The following ADAM11 variants were observed in gnomAD, a reference collection of about 807,000 sequenced individuals.
ADAM11 encodes the protein ADAM metallopeptidase domain 11, also known as disintegrin and metalloproteinase domain-containing protein 11.
Under a neutral mutation model 119.1 loss-of-function variants are expected in ADAM11, and 49 were observed. The observed-to-expected ratio is 0.41, with a 90% CI of 0.33 to 0.52. ADAM11 has a LOEUF of 0.52. Among genes scored for constraint, ADAM11 ranks in the 20% least tolerant of loss-of-function variants. The probability of loss-of-function intolerance (pLI) is 0.20; values close to 1 mark genes in which losing one functional copy is unlikely to be tolerated. For missense variants in ADAM11, 777 were observed against 1,047.5 expected (o/e 0.74, Z 3.56); for synonymous variants, 364 against 408.0 (o/e 0.89, Z 1.30).
chr17:44,775,151 G>T lies in ADAM11; in HGVS notation c.1221-61G>T. ...CCCAGTGTACCCCCTCCCCAGCCTT[G>T]AGAGGGGTGAGGGTGGGTTGGAGGG... On this transcript the variant is annotated intron_variant, in intron 14 of 26. Coordinates refer to ENST00000200557, the MANE Select transcript of ADAM11 (RefSeq NM_002390.6). This position sits in a 1 kb window ranked among gnomAD's most constrained non-coding sequence, Gnocchi z 7.5. 2 of 1,403,604 alleles carry T rather than the reference G, an allele frequency of 1.4e-6. No homozygotes were observed. The allele number at this position is 1,403,604 out of a possible 1,614,324, so 86.9% of individuals were successfully genotyped here. A position where few individuals can be genotyped will look rare whatever the true frequency, so the allele number is the denominator to read the frequency against.
In ADAM11 at chr17:44,778,142, T is replaced by A; in HGVS notation, c.2186-10T>A. The stretch of plus-strand genomic sequence containing the variant: ...TGTCCTTGCCAGCTAAGCCCTGCCA[T>A]CCTCCCCAGGTCCCAGCGGCACCAA... On this transcript the variant is annotated splice_polypyrimidine_tract_variant and intron_variant, in intron 24 of 26. Coordinates refer to ENST00000200557, the MANE Select transcript of ADAM11 (RefSeq NM_002390.6). 1 of 1,613,330 alleles carries A rather than the reference T, an allele frequency of 6.2e-7. No individual in the cohort carries two copies. The highest frequency in any genetic ancestry group is 8.5e-7 in the Non-Finnish European group (1 of 1,179,550).
In ADAM11 at chr17:44,777,275, G is replaced by T. The variant is rs951519154; in HGVS notation, c.1781+10G>T. ...TCCAGTGCAGTAAGCAGTGAGTACT[G>T]AGGCTCCCAGAGGGCCTCTCAGCTC... is the stretch of plus-strand genomic sequence containing the variant. On this transcript the variant is annotated intron_variant, in intron 21 of 26. Transcript: ENST00000200557. The surrounding 1 kb of genome is among the most constrained non-coding windows in gnomAD (Gnocchi z 5.1). The T allele has an allele frequency of 6.3e-7, 1 of 1,589,444 alleles. No homozygotes were observed.
chr17:44,764,859 C>G (rs2049428680), intron 2 of ADAM11, among the ~76,000 whole-genome samples: 1 of 152,094 alleles, frequency 6.6e-6, no homozygotes, highest in African/African-American at 2.4e-5. Flanking sequence ...GGACAGGGTG[C>G]TGGGCCCTGG....
chr17:44,777,128 TG>T lies in ADAM11; in HGVS notation c.1682-34del. On this transcript the variant is annotated intron_variant, in intron 20 of 26. Transcript: ENST00000200557. This position sits in a 1 kb window ranked among gnomAD's most constrained non-coding sequence, Gnocchi z 5.1. Reference sequence around the variant, plus strand: ...AGGCCTGAGGTCTTGGGGTGGGTCCTGGGGCGCGTGGGGTCACTTGGCATCC... The same window carrying T: ...AGGCCTGAGGTCTTGGGGTGGGTCCTGGGCGCGTGGGGTCACTTGGCATCC... 1 of 1,574,856 alleles carries T rather than the reference TG, an allele frequency of 6.3e-7. No homozygotes were observed.
In ADAM11 at chr17:44,779,877, C is replaced by T; in HGVS notation, c.*123C>T. ...TCTTCCAGGTCCAAACCCTTCAACT[C>T]CTGGCTCCGCAGGGGTTTGGGTGGG... is the stretch of plus-strand genomic sequence containing the variant. On this transcript the variant is annotated 3_prime_UTR_variant, in exon 27 of 27. Coordinates refer to ENST00000200557, the MANE Select transcript of ADAM11 (RefSeq NM_002390.6). 7.2e-7 allele frequency: 1 copy of T among 1,382,352 alleles called. No individual in the cohort carries two copies. The highest frequency in any genetic ancestry group is 1.0e-6 in the Non-Finnish European group (1 of 990,586). The allele number at this position is 1,382,352 out of a possible 1,614,324, so 85.6% of individuals were successfully genotyped here.
chr17:44,778,975 A>G (rs916873944), intron 25 of ADAM11, among the ~76,000 whole-genome samples: 2 of 152,138 alleles, frequency 1.3e-5, no homozygotes, highest in African/African-American at 2.4e-5. Context: ...CTTAATGTGC[A>G]GAGGAGGAAC....
At position 44,777,525 on chromosome 17, in the gene ADAM11, G is replaced by A. The variant is rs1285121395; in HGVS notation, c.1825G>A (p.Ala609Thr). Reference protein sequence around the residue: ...GFLLCVNISGAPRLGDLVGDI... With the variant: ...GFLLCVNISGTPRLGDLVGDI... ...CCTCCTCTGTGTCAACATCTCTGGA[G>A]CTCCTCGGCTAGGGGACCTGGTGGG... Residue 609 changes from alanine (A) to threonine (T), a missense_variant, in exon 22 of 27, where the codon GCT becomes ACT. Transcript: ENST00000200557. The surrounding 1 kb of genome is among the most constrained non-coding windows in gnomAD (Gnocchi z 5.1). 6.2e-7 allele frequency: 1 copy of A among 1,614,208 alleles called. No homozygotes were observed. Among genetic ancestry groups the A allele is most frequent in the Non-Finnish European group, 8.5e-7 (1 of 1,180,030 alleles).
intron 26 of ADAM11, 169 bp downstream of exon 26, chr17:44,779,408 T>C: frequency 1.0e-5 from 10 of 985,294 alleles, no homozygotes; most frequent in Non-Finnish European, 1.2e-5. Flanking sequence ...AGAGCCTCGC[T>C]CAGGGAAGAA....
In ADAM11 at chr17:44,777,705, G is replaced by T. The variant is rs780138211; in HGVS notation, c.1912G>T (p.Val638Leu). 2 of 1,613,678 alleles carry T rather than the reference G, an allele frequency of 1.2e-6. No homozygotes were observed. The highest frequency in any genetic ancestry group is 1.3e-5 in the African/African-American group (1 of 74,916). Reference protein sequence around the residue: ...GKELDCRGGHVQLADGSDLSY... With the variant: ...GKELDCRGGHLQLADGSDLSY... ...GTGTCACTTCCCCAGGGGAGGCCAC[G>T]TGCAGCTGGCGGACGGCTCTGACCT... Residue 638 changes from valine to leucine, a missense_variant, in exon 23 of 27, where the codon GTG (valine) becomes TTG (leucine). Val to Leu is a conservative substitution (Grantham distance 32, BLOSUM62 1). Coordinates refer to ENST00000200557, the MANE Select transcript of ADAM11 (RefSeq NM_002390.6). This position sits in a 1 kb window ranked among gnomAD's most constrained non-coding sequence, Gnocchi z 5.1.
chr17:44,760,274 A>T (rs1409603640), intron 2 of ADAM11, among the ~76,000 whole-genome samples: 1 of 152,204 alleles, frequency 6.6e-6, no homozygotes, highest in Non-Finnish European at 1.5e-5. Flanking sequence ...GATTCCAGTC[A>T]GGGATTAGGG....
At chr17:44,779,180 T>C (rs1267877605) in intron 25 of ADAM11, 42 bp from the exon 26 acceptor site, 1 of 1,579,998 alleles carries the variant, frequency 6.3e-7, no homozygotes, top group Non-Finnish European at 8.6e-7. Context: ...AAAGGTCAGA[T>C]GTCTCCTTTT....
intron 12 of ADAM11, 26 bp from the exon 13 acceptor site, chr17:44,774,466 C>T: frequency 1.2e-6 from 2 of 1,609,660 alleles, no homozygotes; most frequent in Non-Finnish European, 1.7e-6. Flanking sequence ...ATGTAGACAT[C>T]TGTGCCCCAT....
chr17:44,773,418 AC>A lies in ADAM11; in HGVS notation c.985del (p.Leu329SerfsTer29). On this transcript the variant is annotated frameshift_variant, in exon 11 of 27. Transcript: ENST00000200557. LOFTEE classifies it high-confidence loss of function. This position sits in a 1 kb window ranked among gnomAD's most constrained non-coding sequence, Gnocchi z 4.6. ...EGLPEPSDAT[H>X]LFSGRTFQST... ...CTGCCTGAGCCCAGTGATGCCACCC[AC>A]CTCTTCTCGTGAGTCCCCCACCCTG... 1 of 1,612,008 alleles carries A rather than the reference AC, an allele frequency of 6.2e-7. No individual in the cohort carries two copies.
In ADAM11 at chr17:44,772,201, C is replaced by G. The variant is rs368363653; in HGVS notation, c.544-66C>G. 5.5e-6 allele frequency: 8 copies of G among 1,465,694 alleles called. No homozygotes were observed. The African/African-American group carries it at 1.1e-4, about 20-fold the overall frequency. The allele number at this position is 1,465,694 out of a possible 1,614,324, so 90.8% of individuals were successfully genotyped here. A position where few individuals can be genotyped will look rare whatever the true frequency, so the allele number is the denominator to read the frequency against. On this transcript the variant is annotated intron_variant, in intron 6 of 26. Coordinates refer to ENST00000200557, the MANE Select transcript of ADAM11 (RefSeq NM_002390.6). The surrounding 1 kb of genome is among the most constrained non-coding windows in gnomAD (Gnocchi z 4.5). ...GGGTGGAGGCGAGGGCTGGATCTGGCCCCCGCCAAGTGGGCCTGGAGCAGG... is the reference window on the plus strand; with the variant it reads ...GGGTGGAGGCGAGGGCTGGATCTGGGCCCCGCCAAGTGGGCCTGGAGCAGG...
Position 44,772,387 on chromosome 17 carries a change from C to A in ADAM11, c.611-12C>A. ...GGCCGGCTGTGCCCCCCTCACCTGCCCCTCCCCACAGGCTGCCTGTTTGCT... is the reference window on the plus strand; with the variant it reads ...GGCCGGCTGTGCCCCCCTCACCTGCACCTCCCCACAGGCTGCCTGTTTGCT... On this transcript the variant is annotated splice_polypyrimidine_tract_variant and intron_variant, in intron 7 of 26. Coordinates refer to ENST00000200557, the MANE Select transcript of ADAM11 (RefSeq NM_002390.6). This position sits in a 1 kb window ranked among gnomAD's most constrained non-coding sequence, Gnocchi z 4.5. The A allele has an allele frequency of 6.3e-7, 1 of 1,579,548 alleles. No homozygotes were observed. Among genetic ancestry groups the A allele is most frequent in the Non-Finnish European group, 8.6e-7 (1 of 1,161,704 alleles).
rs779049867 is a variant in ADAM11 at position 44,777,453 on chromosome 17, G to C, written c.1782-29G>C. 1.2e-5 allele frequency: 19 copies of C among 1,610,204 alleles called. No homozygotes were observed. Among genetic ancestry groups the C allele is most frequent in the Non-Finnish European group, 1.6e-5 (19 of 1,176,612 alleles). Reference sequence around the variant, plus strand: ...GTAGTTGAGTCTGAGGTCAAACTTGGGGCTCACTGTCTCTATATGCCCCAA... The same window carrying C: ...GTAGTTGAGTCTGAGGTCAAACTTGCGGCTCACTGTCTCTATATGCCCCAA... On this transcript the variant is annotated intron_variant, in intron 21 of 26. Transcript: ENST00000200557. This position sits in a 1 kb window ranked among gnomAD's most constrained non-coding sequence, Gnocchi z 5.1.
At chr17:44,759,601 C>G in intron 1 of ADAM11, 121 bp from the exon 2 acceptor site, 1 of 1,304,088 alleles carries the variant, frequency 7.7e-7, no homozygotes, top group Non-Finnish European at 9.8e-7. Flanking sequence ...ATCCTCCCAC[C>G]CGGATCGCCC....
In ADAM11 at chr17:44,777,656, G is replaced by A. The variant is rs1025483762; in HGVS notation, c.1902-39G>A. 3 of 1,613,502 alleles carry A rather than the reference G, an allele frequency of 1.9e-6. No individual in the cohort carries two copies. The highest frequency in any genetic ancestry group is 2.5e-6 in the Non-Finnish European group (3 of 1,179,604). ...GAGGTTGCAGCTGTGCTGGGGGTTAGGAGACAGGGGGCTGAGGCTGGCTGT... is the reference window on the plus strand; with the variant it reads ...GAGGTTGCAGCTGTGCTGGGGGTTAAGAGACAGGGGGCTGAGGCTGGCTGT... On this transcript the variant is annotated intron_variant, in intron 22 of 26. Coordinates refer to ENST00000200557, the MANE Select transcript of ADAM11 (RefSeq NM_002390.6). The surrounding 1 kb of genome is among the most constrained non-coding windows in gnomAD (Gnocchi z 5.1).
At chr17:44,763,100 C>CA (rs1348457682) in intron 2 of ADAM11, among the ~76,000 whole-genome samples, 2 of 152,218 alleles carry the variant, frequency 1.3e-5, no homozygotes, top group Non-Finnish European at 2.9e-5. Flanking sequence ...TGCACCACTG[C>CA]ACTCCAACCT....
Sources: gnomAD v4.1 joint callset for allele counts (sites outside exome capture counted in the v4.1 genomes callset) on GRCh38, gnomAD v4.1.1 for gene constraint, Gnocchi (gnomAD v3.1) non-coding constraint, MANE v1.5 for transcripts, NCBI Gene and HGNC (gene_info 2026-07-23, HGNC 2026-07-21) for gene names.